Variants in HMG20A observed in about 807,000 individuals in gnomAD.
HMG20A encodes the protein high mobility group 20A.
A neutral mutation model predicts 43.9 loss-of-function variants in HMG20A; 17 were observed. That is an observed-to-expected ratio of 0.39 (90% CI 0.27 to 0.58). The LOEUF (loss-of-function observed/expected upper bound fraction) is 0.58, where lower values mean the gene tolerates loss of function less well. HMG20A is among the 20% of genes least tolerant of loss of function. HMG20A has a pLI of 0.59. For synonymous variants in HMG20A, 132 were observed against 147.5 expected, an observed-to-expected ratio of 0.89 and a Z score of 0.76; for missense variants, 341 against 438.2, an observed-to-expected ratio of 0.78 and a Z score of 1.98.
chr15:77,477,741 A>C, intron 7 of HMG20A, 111 bp downstream of exon 7: 1 of 681,374 alleles, frequency 1.5e-6, no homozygotes, highest in Non-Finnish European at 2.5e-6. Context: ...CCTTAGGACT[A>C]CTCAAAGACC....
intron 4 of HMG20A, among the ~76,000 whole-genome samples, chr15:77,469,012 C>T (rs2072782736): frequency 6.6e-6 from 1 of 151,814 alleles, no homozygotes; most frequent in South Asian, 2.1e-4. Context: ...TTACCTTTAA[C>T]AGAACATTGC....
chr15:77,429,336 C>T (rs1261275653), intron 1 of HMG20A, among the ~76,000 whole-genome samples: 3 of 152,044 alleles, frequency 2.0e-5, no homozygotes, highest in Non-Finnish European at 4.4e-5. Flanking sequence ...GGATTACTAG[C>T]GCTTGCCTGC....
chr15:77,511,843 G>A, the HMG20A span, among the ~76,000 whole-genome samples: 5 of 152,192 alleles, frequency 3.3e-5, no homozygotes, highest in Admixed American at 6.5e-5. Context: ...GTGGAAAACC[G>A]TATGGCAGAT....
intron 1 of HMG20A, among the ~76,000 whole-genome samples, chr15:77,425,123 C>A (rs141725723): frequency 6.6e-6 from 1 of 152,280 alleles, no homozygotes; most frequent in East Asian, 1.9e-4. Context: ...TGATATCCAT[C>A]CTCTTCTACA....
chr15:77,464,166 G>T, intron 2 of HMG20A, 74 bp from the exon 3 acceptor site: 2 of 1,521,346 alleles, frequency 1.3e-6, no homozygotes, highest in East Asian at 2.3e-5. Flanking sequence ...GCTTTTGCTG[G>T]CAGGGAAATT....
At chr15:77,494,687 A>G in the HMG20A span, among the ~76,000 whole-genome samples, 1 of 152,228 alleles carries the variant, frequency 6.6e-6, no homozygotes, top group Non-Finnish European at 1.5e-5. Flanking sequence ...TGATTGGGAT[A>G]TTTACTGGTT....
downstream of HMG20A, among the ~76,000 whole-genome samples, chr15:77,490,410 TGACAGTG>T (rs2072966371): frequency 6.6e-6 from 1 of 152,102 alleles, no homozygotes; most frequent in African/African-American, 2.4e-5. Context: ...AAGTGAGAAA[TGACAGTG>T]GCTTAGCCTA....
the HMG20A span, among the ~76,000 whole-genome samples, chr15:77,500,381 T>C: frequency 6.6e-6 from 1 of 152,196 alleles, no homozygotes; most frequent in South Asian, 2.1e-4. Context: ...GGTGGACCAA[T>C]GTTATATTCT....
intron 1 of HMG20A, chr15:77,447,675 C>T (rs186294451): frequency 6.6e-6 from 1 of 152,272 alleles, no homozygotes; most frequent in East Asian, 1.9e-4. Context: ...ATTTTTGTTT[C>T]TAACTCTGGC....
At chr15:77,497,675 G>C in the HMG20A span, among the ~76,000 whole-genome samples, 1 of 128,788 alleles carries the variant, frequency 7.8e-6, no homozygotes, top group African/African-American at 2.8e-5. Context: ...GAGAGAGAGA[G>C]AGAGAGAGTG....
chr15:77,465,003 T>C (rs1035205634), intron 3 of HMG20A, among the ~76,000 whole-genome samples: 5 of 152,108 alleles, frequency 3.3e-5, no homozygotes, highest in Non-Finnish European at 7.4e-5. Flanking sequence ...CTCATGCCTG[T>C]AATCCTAGCA....
chr15:77,433,686 G>T (rs2073514171), intron 1 of HMG20A, among the ~76,000 whole-genome samples: 1 of 151,688 alleles, frequency 6.6e-6, no homozygotes, highest in Non-Finnish European at 1.5e-5. Flanking sequence ...ATTTACAATA[G>T]AATCAAACAA....
intron 2 of HMG20A, among the ~76,000 whole-genome samples, chr15:77,459,924 T>C (rs2072690243): frequency 6.6e-6 from 1 of 152,238 alleles, no homozygotes; most frequent in Non-Finnish European, 1.5e-5. Context: ...GACTAGATCA[T>C]AGGGATCAAA....
At chr15:77,425,744 C>T (rs948892883) in intron 1 of HMG20A, among the ~76,000 whole-genome samples, 1 of 152,098 alleles carries the variant, frequency 6.6e-6, no homozygotes, top group African/African-American at 2.4e-5. Context: ...ATTTTTATAT[C>T]AAATATTTGG....
intron 1 of HMG20A, among the ~76,000 whole-genome samples, chr15:77,450,806 TG>T (rs1355204611): frequency 1.3e-5 from 2 of 152,244 alleles, no homozygotes; most frequent in African/African-American, 2.4e-5. Flanking sequence ...TTTTGTATTT[TG>T]TATTTTCATA....
At chr15:77,478,566 T>C (rs2072878574) in intron 8 of HMG20A, 56 bp downstream of exon 8, 1 of 1,399,682 alleles carries the variant, frequency 7.1e-7, no homozygotes, top group Non-Finnish European at 1.0e-6. Context: ...TTGTGTGGAG[T>C]GGGGTGCTGT....
rs537961324 is a variant in HMG20A at position 77,477,712 on chromosome 15, C to T, written c.691+82C>T. ...TCAGAAGAAATTCATTGCTCAAAAG[C>T]AATGGTAGTGTTATCCCTCCTTAGG... On this transcript the variant is annotated intron_variant, in intron 7 of 9. Transcript: ENST00000336216. 2.8e-4 allele frequency: 260 copies of T among 919,504 alleles called. 2 individuals carry two copies. In the African/African-American group the frequency reaches 4.0e-3, roughly 14 times the overall value. 57.0% of individuals were successfully genotyped at this position (919,504 alleles called of 1,614,324 possible). A position where few individuals can be genotyped will look rare whatever the true frequency, so the allele number is the denominator to read the frequency against.
In HMG20A at chr15:77,478,276, G is replaced by C. The variant is rs1348639030; in HGVS notation, c.692-19G>C. On this transcript the variant is annotated intron_variant, in intron 7 of 9. Transcript: ENST00000336216. ...CTCCTTCTAGTGCTGCATGTGTTCT[G>C]TGGGATGTATGTCCTCAGCTCGGGA... is the stretch of plus-strand genomic sequence containing the variant. 7 of 1,612,136 alleles carry C rather than the reference G, an allele frequency of 4.3e-6. No individual in the cohort carries two copies. The highest frequency in any genetic ancestry group is 5.9e-6 in the Non-Finnish European group (7 of 1,179,620).
intron 6 of HMG20A, 146 bp downstream of exon 6, chr15:77,471,960 G>C: frequency 1.9e-6 from 1 of 528,080 alleles, no homozygotes. Context: ...TTAGCTTGGG[G>C]GTTCTTAGCA....
Sources: gnomAD v4.1 joint callset for allele counts (sites outside exome capture counted in the v4.1 genomes callset) on GRCh38, gnomAD v4.1.1 for gene constraint, MANE v1.5 for transcripts, NCBI Gene and HGNC (gene_info 2026-07-23, HGNC 2026-07-21) for gene names.